The following ZMAT4 variants were observed in gnomAD, a reference collection of about 807,000 sequenced individuals.
The protein encoded by ZMAT4 is zinc finger matrin-type protein 4.
In ZMAT4, 17 loss-of-function variants were observed where a neutral mutation model predicts 28.7. That is an observed-to-expected ratio of 0.59 (90% CI 0.41 to 0.89). The LOEUF (loss-of-function observed/expected upper bound fraction) is 0.89. Among genes scored for constraint, ZMAT4 ranks in the 40% least tolerant of loss-of-function variants. The pLI, the probability that ZMAT4 is intolerant of heterozygous loss-of-function variation, is 0.00. For missense variants in ZMAT4, 240 were observed against 283.8 expected (o/e 0.85, Z 1.11); for synonymous variants, 117 against 109.2 (o/e 1.07, Z -0.44).
At chr8:40,769,518 A>C (rs1429745951) in intron 2 of ZMAT4, among the ~76,000 whole-genome samples, 1 of 152,236 alleles carries the variant, frequency 6.6e-6, no homozygotes, top group African/African-American at 2.4e-5. Context: ...CAGTCAAAAG[A>C]ATAAAAAGGA....
At chr8:40,730,354 C>T (rs1811484740) in intron 3 of ZMAT4, among the ~76,000 whole-genome samples, 1 of 152,130 alleles carries the variant, frequency 6.6e-6, no homozygotes, top group Non-Finnish European at 1.5e-5. Flanking sequence ...AACAGGAAAA[C>T]TGTGATTGAA....
intron 2 of ZMAT4, among the ~76,000 whole-genome samples, chr8:40,801,351 AATATATATATATAT>A (rs1554559737): frequency 2.1e-5 from 2 of 97,258 alleles, no homozygotes; most frequent in African/African-American, 7.4e-5. Flanking sequence ...TAAAAAAAAA[AATATATATATATAT>A]ATATATACAT....
Position 40,604,354 on chromosome 8 carries a change from G to T in ZMAT4, c.578-23093C>A, listed in dbSNP as rs578240089. Among the ~76,000 whole-genome samples, 20 of 152,258 alleles carry T rather than the reference G, an allele frequency of 1.3e-4. No individual in the cohort carries two copies. The East Asian group carries it at 2.7e-3, about 21-fold the overall frequency. ...CCATTCAGTATAATGTTGGCTGTGG[G>T]TTTGTCATGGACAACTTTTATTACC... On this transcript the variant is annotated intron_variant, in intron 5 of 6. Transcript: ENST00000297737.
intron 5 of ZMAT4, among the ~76,000 whole-genome samples, chr8:40,644,786 A>C (rs1435412027): frequency 6.6e-6 from 1 of 152,170 alleles, no homozygotes; most frequent in Non-Finnish European, 1.5e-5. Context: ...AGCAGCAATA[A>C]ATCATGGTAA....
intron 1 of ZMAT4, among the ~76,000 whole-genome samples, chr8:40,872,523 C>T (rs73675741): frequency 0.011 from 1,701 of 152,298 alleles, 36 homozygotes; most frequent in African/African-American, 0.039. Context: ...CAGGCAGGCA[C>T]CTGTCCTCTC....
At chr8:40,717,261 C>T (rs998121951) in intron 3 of ZMAT4, among the ~76,000 whole-genome samples, 2 of 152,194 alleles carry the variant, frequency 1.3e-5, no homozygotes, top group African/African-American at 4.8e-5. Context: ...TAGTTGGTCT[C>T]TGATACAGAT....
intron 1 of ZMAT4, among the ~76,000 whole-genome samples, chr8:40,886,801 A>G (rs765699477): frequency 1.3e-5 from 2 of 151,990 alleles, no homozygotes; most frequent in Non-Finnish European, 2.9e-5. Flanking sequence ...CCACATTCCG[A>G]AAATCCTCCT....
chr8:40,751,111 A>G (rs1212060345), intron 3 of ZMAT4, among the ~76,000 whole-genome samples: 7 of 152,286 alleles, frequency 4.6e-5, no homozygotes, highest in African/African-American at 1.7e-4. Context: ...CCTGAGGAAC[A>G]CACTCCTTCT....
At chr8:40,686,933 C>A (rs554725048) in intron 4 of ZMAT4, among the ~76,000 whole-genome samples, 1 of 151,968 alleles carries the variant, frequency 6.6e-6, no homozygotes, top group South Asian at 2.1e-4. Flanking sequence ...TGTGTTCTTT[C>A]CTCAATCCCA....
chr8:40,756,312 G>T (rs1051406352), intron 3 of ZMAT4, among the ~76,000 whole-genome samples: 1 of 151,488 alleles, frequency 6.6e-6, no homozygotes, highest in Non-Finnish European at 1.5e-5. Flanking sequence ...GGTGCTGGCA[G>T]CCCCGGGCAG....
At chr8:40,557,123 A>G (rs1803567604) in intron 6 of ZMAT4, among the ~76,000 whole-genome samples, 1 of 152,136 alleles carries the variant, frequency 6.6e-6, no homozygotes, top group African/African-American at 2.4e-5. Context: ...CTCACTTAAC[A>G]TAATGACCTC....
intron 1 of ZMAT4, among the ~76,000 whole-genome samples, chr8:40,891,151 T>C (rs1181427309): frequency 7.6e-6 from 1 of 132,328 alleles, no homozygotes; most frequent in Non-Finnish European, 1.6e-5. Context: ...TAAACCATAA[T>C]TGCACCATTG....
At chr8:40,653,931 G>A (rs1009457194) in intron 5 of ZMAT4, among the ~76,000 whole-genome samples, 1 of 152,130 alleles carries the variant, frequency 6.6e-6, no homozygotes, top group African/African-American at 2.4e-5. Context: ...TCATATAAAT[G>A]AGCCAAAGAT....
chr8:40,632,508 G>A (rs1306947675), intron 5 of ZMAT4, among the ~76,000 whole-genome samples: 2 of 152,156 alleles, frequency 1.3e-5, no homozygotes, highest in African/African-American at 4.8e-5. Context: ...ATCTTGAGGT[G>A]AGATCATCCT....
At chr8:40,659,298 A>G (rs1183411948) in intron 5 of ZMAT4, among the ~76,000 whole-genome samples, 1 of 152,162 alleles carries the variant, frequency 6.6e-6, no homozygotes, top group Non-Finnish European at 1.5e-5. Flanking sequence ...TTTAGTAGAC[A>G]TTGCCCCTTG....
At chr8:40,565,998 C>T (rs2722413) in intron 6 of ZMAT4, among the ~76,000 whole-genome samples, 30,953 of 151,916 alleles carry the variant, frequency 0.2, 3,877 homozygotes, top group Non-Finnish European at 0.28. Flanking sequence ...AGGGTTTAGG[C>T]GTTTTAAAAA....
intron 5 of ZMAT4, among the ~76,000 whole-genome samples, chr8:40,595,643 A>G (rs1360699027): frequency 6.6e-6 from 1 of 152,226 alleles, no homozygotes; most frequent in Non-Finnish European, 1.5e-5. Flanking sequence ...ACCTAAGCAC[A>G]GAAAAGGTAC....
rs552115745 is a variant in ZMAT4 at position 40,885,498 on chromosome 8, C to T, written c.-5+12185G>A. Reference sequence around the variant, plus strand: ...CTGTCAACATAGCAACCAGAGTAACCTATTTATTCATTTTTTACATTTTTA... The same window carrying T: ...CTGTCAACATAGCAACCAGAGTAACTTATTTATTCATTTTTTACATTTTTA... On this transcript the variant is annotated intron_variant, in intron 1 of 6. Transcript: ENST00000297737. Among the ~76,000 whole-genome samples the T allele has an allele frequency of 4.6e-5, 7 of 152,306 alleles. No individual in the cohort carries two copies. In the East Asian group the frequency reaches 1.2e-3, roughly 25 times the overall value.
At chr8:40,780,445 G>A (rs561856267) in intron 2 of ZMAT4, among the ~76,000 whole-genome samples, 17 of 152,176 alleles carry the variant, frequency 1.1e-4, no homozygotes, top group Non-Finnish European at 2.4e-4. Context: ...GGGACTGTCT[G>A]CACTTCCAGA....
Sources: allele counts gnomAD v4.1 joint callset (sites outside exome capture counted in the v4.1 genomes callset), GRCh38; gene constraint gnomAD v4.1.1; transcripts MANE v1.5; gene names NCBI Gene and HGNC (gene_info 2026-07-23, HGNC 2026-07-21).